The following ESR2 variants were observed in gnomAD, a reference collection of about 807,000 sequenced individuals.
ESR2 encodes estrogen receptor beta.
ESR2 carries 36 observed loss-of-function variants against 49.6 expected under a neutral mutation model. The ratio of observed to expected loss-of-function variants is 0.73; its 90% CI spans 0.56 to 0.96. The LOEUF is 0.96. Among genes scored for constraint, ESR2 ranks in the 40% least tolerant of loss-of-function variants. The probability of loss-of-function intolerance (pLI) is 0.00; values close to 1 mark genes in which losing one functional copy is unlikely to be tolerated. For missense variants in ESR2, 714 were observed against 693.0 expected, an observed-to-expected ratio of 1.03 and a Z score of -0.34; for synonymous variants, 320 against 266.1, an observed-to-expected ratio of 1.20 and a Z score of -1.97.
intron 4 of ESR2, among the ~76,000 whole-genome samples, chr14:64,261,573 A>G (rs935234670): frequency 2.0e-5 from 3 of 152,094 alleles, no homozygotes; most frequent in Non-Finnish European, 2.9e-5. Flanking sequence ...GCCCGCCACC[A>G]TGCCTGGCTA....
rs750705148 is a variant in ESR2 at position 64,233,147 on chromosome 14, T to G, written c.1583A>C (p.Gln528Pro). 1.2e-6 allele frequency: 2 copies of G among 1,613,392 alleles called. No individual in the cohort carries two copies. Among genetic ancestry groups the G allele is most frequent in the Admixed American group, 1.7e-5 (1 of 59,990 alleles). Reference protein sequence around the residue: ...SKSKEGSQNPQSQ With the variant: ...SKSKEGSQNPPSQ ...CCTCAGGGCCAGGCGTCACTGAGACTGTGGGTTCTGGGAGCCCTCTTTGCT... is the reference window on the plus strand; with the variant it reads ...CCTCAGGGCCAGGCGTCACTGAGACGGTGGGTTCTGGGAGCCCTCTTTGCT... Residue 528 changes from glutamine (Q) to proline (P), a missense_variant, in exon 9 of 9, where the codon CAG becomes CCG. Coordinates refer to ENST00000341099, the MANE Select transcript of ESR2 (RefSeq NM_001437.3).
At chr14:64,302,364 T>C (rs1007455325) in intron 1 of ESR2, among the ~76,000 whole-genome samples, 1 of 151,358 alleles carries the variant, frequency 6.6e-6, no homozygotes, top group Non-Finnish European at 1.5e-5. Context: ...TTTTTTTGTA[T>C]TTTTAGTAGA....
At position 64,280,084 on chromosome 14, in the gene ESR2, C is replaced by T. The variant is rs150153463; in HGVS notation, c.432G>A (p.Arg144=). The part of the protein sequence containing the change: ...ASPVTGPGSK[R]DAHFCAVCSD... ...TGCAGACAGCGCAGAAGTGAGCATC[C>T]CTCTTTGAACCTGGACCAGTAACAG... Residue 144 remains arginine (R), a synonymous_variant, in exon 3 of 9, where the codon AGG becomes AGA. Coordinates refer to ENST00000341099, the MANE Select transcript of ESR2 (RefSeq NM_001437.3). 6.2e-7 allele frequency: 1 copy of T among 1,613,978 alleles called. No homozygotes were observed. The highest frequency in any genetic ancestry group is 8.5e-7 in the Non-Finnish European group (1 of 1,179,896).
chr14:64,292,194 A>T (rs2076882892), intron 1 of ESR2, among the ~76,000 whole-genome samples: 1 of 152,062 alleles, frequency 6.6e-6, no homozygotes, highest in African/African-American at 2.4e-5. Flanking sequence ...AAACTGACTC[A>T]TCCTATAAAA....
chr14:64,259,947 ACCACGTT>A (rs1369626551), intron 5 of ESR2, among the ~76,000 whole-genome samples: 7 of 152,162 alleles, frequency 4.6e-5, no homozygotes, highest in Non-Finnish European at 1.0e-4. Flanking sequence ...TATCATTTTA[ACCACGTT>A]CCAGGTTCCA....
intron 1 of ESR2, among the ~76,000 whole-genome samples, chr14:64,325,797 T>C (rs2077382805): frequency 6.6e-6 from 1 of 152,178 alleles, no homozygotes; most frequent in South Asian, 2.1e-4. Context: ...AAATATATTT[T>C]TTCTTCTTTA....
Position 64,251,962 on chromosome 14 carries a change from A to C in ESR2, c.1092-2283T>G, listed in dbSNP as rs183624886. Among the ~76,000 whole-genome samples the C allele has an allele frequency of 3.3e-5, 5 of 152,326 alleles. No individual in the cohort carries two copies. The East Asian group carries it at 9.6e-4, about 29-fold the overall frequency. On this transcript the variant is annotated intron_variant, in intron 6 of 8. Transcript: ENST00000341099. ...TGACATCTATTTTATTTATTTTATA[A>C]TTTTAGATTGAAACTGAATTATGAG... is the stretch of plus-strand genomic sequence containing the variant.
chr14:64,311,300 A>G (rs946913035), intron 1 of ESR2, among the ~76,000 whole-genome samples: 6 of 152,164 alleles, frequency 3.9e-5, no homozygotes, highest in Non-Finnish European at 8.8e-5. Context: ...TTCAAAACCT[A>G]CTGTTTGATT....
Position 64,292,980 on chromosome 14 carries a change from AAAT to A in ESR2, c.-91+1050_-91+1052del, listed in dbSNP as rs571686210. 1.3e-4 allele frequency among the ~76,000 whole-genome samples: 20 copies of A among 152,320 alleles called. 1 individual carries two copies. The South Asian group carries it at 3.5e-3, about 27-fold the overall frequency. On this transcript the variant is annotated intron_variant, in intron 1 of 8. Transcript: ENST00000341099. ...GTTAACAAGCATCTGATGGCTTTTAAAATAAGAATGTTTCAGAAATTCATCTAA... is the reference window on the plus strand; with the variant it reads ...GTTAACAAGCATCTGATGGCTTTTAAAAGAATGTTTCAGAAATTCATCTAA...
At chr14:64,266,590 C>T (rs552187416) in intron 4 of ESR2, among the ~76,000 whole-genome samples, 12 of 152,326 alleles carry the variant, frequency 7.9e-5, no homozygotes, top group African/African-American at 2.6e-4. Context: ...TAACTTAAAA[C>T]TTAAAACATT....
At chr14:64,253,560 TTGTGTGTGTGTGTG>T (rs752711685) in intron 6 of ESR2, among the ~76,000 whole-genome samples, 103 of 136,642 alleles carry the variant, frequency 7.5e-4, no homozygotes, top group East Asian at 6.6e-3. Context: ...GGTACACTAT[TTGTGTGTGTGTGTG>T]TGTGTGTGTG....
chr14:64,296,644 C>T (rs1375544832), upstream of ESR2, among the ~76,000 whole-genome samples: 1 of 152,196 alleles, frequency 6.6e-6, no homozygotes, highest in Non-Finnish European at 1.5e-5. Context: ...CTGCTCTATG[C>T]AGAACACTGC....
At chr14:64,318,173 T>C (rs745493308) in intron 1 of ESR2, among the ~76,000 whole-genome samples, 143 of 152,186 alleles carry the variant, frequency 9.4e-4, no homozygotes, top group Non-Finnish European at 3.1e-4. Context: ...AAAGTTAATA[T>C]ACAAAGTCAA....
At chr14:64,299,440 G>A (rs1222416549) in intron 1 of ESR2, among the ~76,000 whole-genome samples, 3 of 136,050 alleles carry the variant, frequency 2.2e-5, no homozygotes, top group Non-Finnish European at 4.6e-5. Flanking sequence ...TCGCTCTGTC[G>A]CCCAGGCTAG....
upstream of ESR2, chr14:64,298,265 T>G (rs551245684): frequency 6.6e-6 from 1 of 152,224 alleles, no homozygotes; most frequent in African/African-American, 2.4e-5. Flanking sequence ...CATTTAATCC[T>G]TGAAAATTCC....
At chr14:64,316,926 C>T (rs2077262797) in intron 1 of ESR2, among the ~76,000 whole-genome samples, 1 of 151,954 alleles carries the variant, frequency 6.6e-6, no homozygotes, top group Non-Finnish European at 1.5e-5. Flanking sequence ...AATTATATAC[C>T]ATGATAAAGT....
intron 3 of ESR2, among the ~76,000 whole-genome samples, chr14:64,278,054 C>G (rs2076592771): frequency 6.6e-6 from 1 of 151,938 alleles, no homozygotes; most frequent in Non-Finnish European, 1.5e-5. Context: ...GGGTAAAATC[C>G]TAGAAACTCA....
intron 1 of ESR2, among the ~76,000 whole-genome samples, chr14:64,289,481 C>T (rs1049468402): frequency 2.6e-5 from 4 of 151,388 alleles, no homozygotes; most frequent in African/African-American, 9.7e-5. Context: ...CATTACACTC[C>T]AGCCTGGGCA....
rs115550641 is a variant in ESR2, at chr14:64,244,690, C to G, written c.1225+4856G>C. On this transcript the variant is annotated intron_variant, in intron 7 of 8. Coordinates refer to ENST00000341099, the MANE Select transcript of ESR2 (RefSeq NM_001437.3). ...CAGCTCCCTAGTTCTCAGGTCTTTC[C>G]ATTTACACTGAGCCATGCTACTGGC... Among the ~76,000 whole-genome samples, 714 of 152,284 alleles carry G rather than the reference C, an allele frequency of 4.7e-3. 6 individuals are homozygous for G. Among genetic ancestry groups the G allele is most frequent in the African/African-American group, 0.016 (672 of 41,554 alleles).
Sources: allele counts gnomAD v4.1 joint callset (sites outside exome capture counted in the v4.1 genomes callset), GRCh38; gene constraint gnomAD v4.1.1; transcripts MANE v1.5; gene names NCBI Gene and HGNC (gene_info 2026-07-23, HGNC 2026-07-21).